The following EIF4E3 variants were observed in gnomAD, a reference collection of about 807,000 sequenced individuals.
The protein encoded by EIF4E3 is eukaryotic translation initiation factor 4E type 3.
EIF4E3 carries 26 observed loss-of-function variants against 31.7 expected under a neutral mutation model. The ratio of observed to expected loss-of-function variants is 0.82; its 90% CI spans 0.60 to 1.14. EIF4E3 has a LOEUF of 1.14. Among genes scored for constraint, EIF4E3 ranks in the 50% most tolerant of loss-of-function variants. The pLI, the probability that EIF4E3 is intolerant of heterozygous loss-of-function variation, is 0.00. For synonymous variants in EIF4E3, 128 were observed against 107.7 expected, an observed-to-expected ratio of 1.19 and a Z score of -1.17; for missense variants, 304 against 270.9, an observed-to-expected ratio of 1.12 and a Z score of -0.86.
upstream of EIF4E3, chr3:71,754,208 G>A (rs973629714): frequency 4.3e-6 from 6 of 1,401,954 alleles, no homozygotes; most frequent in South Asian, 1.3e-5. The surrounding 1 kb of genome is among the most constrained non-coding windows in gnomAD (Gnocchi z 5.8). Flanking sequence ...ACCGCGCCCC[G>A]TACTACCTGC....
Position 71,725,209 on chromosome 3 carries a change from C to T in EIF4E3, c.159G>A (p.Trp53Ter), listed in dbSNP as rs2049614077. The stretch of plus-strand genomic sequence containing the variant: ...CCCCTCACCTGTCGAGCCAGAAGGT[C>T]CAGGACGAGTGCAGCGGGACCCCGC... ...EPGGVPLHSS[W>*]TFWLDRSLPG... Residue 53 changes from tryptophan to a stop codon, truncating the protein, a stop_gained, in exon 1 of 7, where the codon TGG (tryptophan) becomes TGA (stop). Transcript: ENST00000425534. LOFTEE classifies it high-confidence loss of function. This position sits in a 1 kb window ranked among gnomAD's most constrained non-coding sequence, Gnocchi z 6.1. 1 of 1,143,580 alleles carries T rather than the reference C, an allele frequency of 8.7e-7. No individual in the cohort carries two copies. Among genetic ancestry groups the T allele is most frequent in the Non-Finnish European group, 1.1e-6 (1 of 924,714 alleles). The allele number at this position is 1,143,580 out of a possible 1,614,324, so 70.8% of individuals were successfully genotyped here.
At position 71,685,282 on chromosome 3, in the gene EIF4E3, C is replaced by A. The variant is rs550881686; in HGVS notation, c.629-554G>T. On this transcript the variant is annotated intron_variant, in intron 6 of 6. Coordinates refer to ENST00000425534, the MANE Select transcript of EIF4E3 (RefSeq NM_001134651.2). ...ATTGCTAAGTTTTATTTTTCCAAATCAAGTTTCCCCCTGCCAATAGATATT... is the reference window on the plus strand; with the variant it reads ...ATTGCTAAGTTTTATTTTTCCAAATAAAGTTTCCCCCTGCCAATAGATATT... Among the ~76,000 whole-genome samples the A allele has an allele frequency of 4.7e-4, 72 of 152,270 alleles. 2 individuals carry two copies. Among genetic ancestry groups the A allele is most frequent in the African/African-American group, 1.6e-3 (66 of 41,556 alleles).
Position 71,740,337 on chromosome 3 carries a change from G to T in EIF4E3, c.-290-11714C>A, listed in dbSNP as rs1578388534. ...AAAAGCAAGAACCAACAATAAGGCT[G>T]CCTACAAGAAATGCACTTTAAATAT... On this transcript the variant is annotated intron_variant, in intron 1 of 7. Coordinates refer to the EIF4E3 transcript ENST00000295612. 2.0e-5 allele frequency among the ~76,000 whole-genome samples: 3 copies of T among 152,298 alleles called. No homozygotes were observed. In the South Asian group the frequency reaches 6.2e-4, roughly 32 times the overall value.
At chr3:71,662,441 A>T in the EIF4E3 span, among the ~76,000 whole-genome samples, 1 of 152,240 alleles carries the variant, frequency 6.6e-6, no homozygotes, top group African/African-American at 2.4e-5. Context: ...TAAACTCTTA[A>T]ATGCCTCATA....
Position 71,751,872 on chromosome 3 carries a change from A to C in EIF4E3, c.-291+1591T>G, listed in dbSNP as rs557105984. Among the ~76,000 whole-genome samples, 6 of 152,326 alleles carry C rather than the reference A, an allele frequency of 3.9e-5. No homozygotes were observed. In the South Asian group the frequency reaches 8.3e-4, roughly 21 times the overall value. ...AGAGATTCAGTCCTTGAGCCAATAA[A>C]TCAATGTCAGCAACTACTGACCTCC... On this transcript the variant is annotated intron_variant, in intron 1 of 7. Coordinates refer to the EIF4E3 transcript ENST00000295612.
At chr3:71,673,921 AT>A (rs2048859005), downstream of EIF4E3, among the ~76,000 whole-genome samples, 2 of 142,738 alleles carry the variant, frequency 1.4e-5, no homozygotes, top group Admixed American at 1.4e-4. Flanking sequence ...ATATATATAT[AT>A]ATATATATAA....
At position 71,684,030 on chromosome 3, in the gene EIF4E3, A is replaced by G. The variant is rs2048956708; in HGVS notation, c.*652T>C. 1 of 152,318 alleles carries G rather than the reference A, an allele frequency of 6.6e-6. No homozygotes were observed. Among genetic ancestry groups the G allele is most frequent in the Non-Finnish European group, 1.5e-5 (1 of 68,048 alleles). 9.4% of individuals were successfully genotyped at this position (152,318 alleles called of 1,614,324 possible). A position where few individuals can be genotyped will look rare whatever the true frequency, so the allele number is the denominator to read the frequency against. On this transcript the variant is annotated 3_prime_UTR_variant, in exon 7 of 7. Transcript: ENST00000425534. ...GTGATTATAGTTTTCATGTTATGCA[A>G]TCCAACTATTATTTTCCTTTTATCA...
At chr3:71,718,100 C>G (rs187772976) in intron 1 of EIF4E3, among the ~76,000 whole-genome samples, 158 of 152,334 alleles carry the variant, frequency 1.0e-3, no homozygotes, top group African/African-American at 3.8e-3. Context: ...ACTTTAAAGG[C>G]AGAGTTATAT....
chr3:71,687,456 C>CT (rs1224753706), intron 6 of EIF4E3, among the ~76,000 whole-genome samples: 1 of 152,030 alleles, frequency 6.6e-6, no homozygotes, highest in Middle Eastern at 3.2e-3. Context: ...TATACTTTTT[C>CT]TTTTTTTTCC....
chr3:71,697,920 G>T (rs1485744469), intron 3 of EIF4E3, among the ~76,000 whole-genome samples: 1 of 152,086 alleles, frequency 6.6e-6, no homozygotes, highest in South Asian at 2.1e-4. Context: ...TTTCTTTGGG[G>T]TATATATCTG....
intron 1 of EIF4E3, among the ~76,000 whole-genome samples, chr3:71,742,357 A>T (rs529598531): frequency 2.0e-5 from 3 of 152,298 alleles, no homozygotes; most frequent in South Asian, 2.1e-4. Flanking sequence ...AATGTTATTA[A>T]CAACTTATGC....
chr3:71,729,466 T>C (rs1428907168), upstream of EIF4E3, among the ~76,000 whole-genome samples: 1 of 152,074 alleles, frequency 6.6e-6, no homozygotes, highest in Non-Finnish European at 1.5e-5. Context: ...GAACACATGG[T>C]CTCTAATGTC....
intron 2 of EIF4E3, among the ~76,000 whole-genome samples, chr3:71,705,050 T>A (rs894882573): frequency 2.0e-5 from 3 of 152,268 alleles, no homozygotes; most frequent in African/African-American, 7.2e-5. Flanking sequence ...TGGACCTGGC[T>A]GCAGGTCCTT....
At chr3:71,685,751 T>G (rs2048982739) in intron 6 of EIF4E3, among the ~76,000 whole-genome samples, 1 of 152,216 alleles carries the variant, frequency 6.6e-6, no homozygotes. Context: ...CAGGGAGACC[T>G]ACGAAATACA....
chr3:71,696,309 A>G, intron 4 of EIF4E3, 151 bp downstream of exon 4: 1 of 738,910 alleles, frequency 1.4e-6, no homozygotes. Context: ...GAAAGGCAGA[A>G]AATCATCAAG....
chr3:71,712,984 C>A (rs2049405772), intron 1 of EIF4E3, among the ~76,000 whole-genome samples: 1 of 151,972 alleles, frequency 6.6e-6, no homozygotes, highest in Admixed American at 6.6e-5. Flanking sequence ...ACATAGGTCC[C>A]CTCAGTTTCA....
the EIF4E3 span, among the ~76,000 whole-genome samples, chr3:71,669,676 A>G: frequency 6.7e-6 from 1 of 149,968 alleles, no homozygotes; most frequent in African/African-American, 2.5e-5. Context: ...ACTCTCAACT[A>G]CTCAACGTCT....
the EIF4E3 span, among the ~76,000 whole-genome samples, chr3:71,669,041 T>C: frequency 6.6e-6 from 1 of 152,158 alleles, no homozygotes; most frequent in African/African-American, 2.4e-5. Context: ...GTGGCACATA[T>C]GCACCATGGA....
At chr3:71,732,441 T>G (rs2108137543) in intron 1 of EIF4E3, among the ~76,000 whole-genome samples, 1 of 152,292 alleles carries the variant, frequency 6.6e-6, no homozygotes, top group East Asian at 1.9e-4. Context: ...GTATATAGGT[T>G]TTGTGGCCAG....
Sources: gnomAD v4.1 joint callset for allele counts (sites outside exome capture counted in the v4.1 genomes callset) on GRCh38, gnomAD v4.1.1 for gene constraint, Gnocchi (gnomAD v3.1) non-coding constraint, MANE v1.5 for transcripts, NCBI Gene and HGNC (gene_info 2026-07-23, HGNC 2026-07-21) for gene names.